INTS4: variants seen among roughly 807,000 people sequenced by gnomAD.
The protein encoded by INTS4 is integrator complex subunit 4, also known as MSTP093.
In INTS4, 70 loss-of-function variants were observed where a neutral mutation model predicts 119.5. The ratio of observed to expected loss-of-function variants is 0.59; its 90% CI spans 0.48 to 0.71. The LOEUF is 0.71. INTS4 is among the 30% of genes least tolerant of loss of function. The probability of loss-of-function intolerance (pLI) is 0.00; values close to 1 mark genes in which losing one functional copy is unlikely to be tolerated. For synonymous variants in INTS4, 316 were observed against 419.6 expected, an observed-to-expected ratio of 0.75 and a Z score of 3.02; for missense variants, 867 against 1,173.2, an observed-to-expected ratio of 0.74 and a Z score of 3.81.
chr11:77,937,938 C>A (rs2136519778), intron 10 of INTS4, among the ~76,000 whole-genome samples: 1 of 152,156 alleles, frequency 6.6e-6, no homozygotes, highest in South Asian at 2.1e-4. Context: ...ACCTCTGCCT[C>A]CTGAGTTCAA....
chr11:77,922,515 T>A (rs1470422603), intron 12 of INTS4, 44 bp from the exon 13 acceptor site: 12 of 849,544 alleles, frequency 1.4e-5, no homozygotes, highest in Non-Finnish European at 2.0e-5. Context: ...ATTAGTAAAG[T>A]TAGTCCTTTG....
At chr11:77,894,214 T>A in intron 19 of INTS4, 76 bp downstream of exon 19, 1 of 731,598 alleles carries the variant, frequency 1.4e-6, no homozygotes, top group Non-Finnish European at 2.4e-6. Flanking sequence ...TGATTTGTGA[T>A]TGTTCCTATT....
rs750797237 is a variant in INTS4 at position 77,961,012 on chromosome 11, T to C, written c.598A>G (p.Ile200Val). 7 of 1,613,896 alleles carry C rather than the reference T, an allele frequency of 4.3e-6. No homozygotes were observed. Among genetic ancestry groups the C allele is most frequent in the Non-Finnish European group, 5.9e-6 (7 of 1,179,966 alleles). ...TCTTGGTCACTGAAGTAATCCCCTA[T>C]AATCTTCTGGACATCTCTGGCAGCT... ...GLAARDVQKI[I>V]GDYFSDQDPR... The change falls in exon 5 of 23, where the codon ATA (isoleucine) becomes GTA (valine). Residue 200 changes from isoleucine (I) to valine (V), a missense_variant. Physicochemically the swap from Ile to Val is conservative, Grantham distance 29 (BLOSUM62 3). This residue lies in a region of INTS4 where 224 missense variants were observed against 231.8 expected (regional missense o/e 0.97). Coordinates refer to ENST00000534064, the MANE Select transcript of INTS4 (RefSeq NM_033547.4).
chr11:77,958,235 T>C (rs1222590599), intron 7 of INTS4, among the ~76,000 whole-genome samples: 3 of 151,014 alleles, frequency 2.0e-5, no homozygotes, highest in African/African-American at 4.8e-5. Context: ...AAAAGATAAA[T>C]AAACATTTAT....
chr11:77,936,023 A>C (rs1220657575), intron 10 of INTS4, among the ~76,000 whole-genome samples: 2 of 152,006 alleles, frequency 1.3e-5, no homozygotes, highest in Non-Finnish European at 2.9e-5. Context: ...AACAAAGTAT[A>C]AGACCTGAAA....
At chr11:77,877,496 G>A (rs896770366), downstream of INTS4, among the ~76,000 whole-genome samples, 5 of 152,116 alleles carry the variant, frequency 3.3e-5, no homozygotes, top group South Asian at 2.1e-4. Context: ...AATTATCTTC[G>A]TTTCACAGAT....
intron 18 of INTS4, among the ~76,000 whole-genome samples, chr11:77,896,755 A>T (rs538111656): frequency 1.2e-4 from 18 of 151,976 alleles, no homozygotes; most frequent in Non-Finnish European, 2.2e-4. Flanking sequence ...CAGAAAATCC[A>T]ACATTTAGTA....
In INTS4 at chr11:77,979,086, T is replaced by C. The variant is rs1347541089; in HGVS notation, c.381A>G (p.Leu127=). Residue 127 remains leucine (L), a synonymous_variant, in exon 4 of 23, where the codon CTA becomes CTG. Transcript: ENST00000534064. ...ILQNEKSHQV[L]AQLLDTLLAI... The stretch of plus-strand genomic sequence containing the variant: ...CAAGCAAAGTATCCAGCAGTTGAGC[T>C]AGGACTTGATGAGACTCTAGAGAGG... 2.5e-6 allele frequency: 4 copies of C among 1,609,346 alleles called. No homozygotes were observed. The highest frequency in any genetic ancestry group is 3.4e-6 in the Non-Finnish European group (4 of 1,175,952).
chr11:77,911,187 T>A, intron 15 of INTS4: 1 of 1,156,308 alleles, frequency 8.6e-7, no homozygotes, highest in Non-Finnish European at 1.1e-6. Context: ...ACTCTCAAAG[T>A]GATTGAAGAA....
Position 77,994,666 on chromosome 11 carries a change from C to G in INTS4, c.-23G>C. 2 of 1,613,650 alleles carry G rather than the reference C, an allele frequency of 1.2e-6. No homozygotes were observed. The highest frequency in any genetic ancestry group is 1.7e-6 in the Non-Finnish European group (2 of 1,179,810). On this transcript the variant is annotated 5_prime_UTR_variant, in exon 1 of 23. Coordinates refer to ENST00000534064, the MANE Select transcript of INTS4 (RefSeq NM_033547.4). ...CATGCCTACCCGCGGGCCCTCTCAG[C>G]TTCCGTACACTAGGAGGGAGGCGGG...
At chr11:77,947,013 T>C (rs1398180645) in intron 8 of INTS4, among the ~76,000 whole-genome samples, 1 of 147,922 alleles carries the variant, frequency 6.8e-6, no homozygotes, top group Non-Finnish European at 1.5e-5. Context: ...AAAATAAAAA[T>C]AGTATACAAT....
intron 4 of INTS4, among the ~76,000 whole-genome samples, chr11:77,967,035 G>T (rs1380999241): frequency 6.6e-5 from 10 of 151,904 alleles, no homozygotes. Context: ...TATCCTAATG[G>T]GTATGAAGTG....
chr11:77,955,217 G>A lies in INTS4; in HGVS notation c.918+725C>T, dbSNP rs12292488. On this transcript the variant is annotated intron_variant, in intron 8 of 22. Coordinates refer to ENST00000534064, the MANE Select transcript of INTS4 (RefSeq NM_033547.4). ...CTAGGCAGGGTGGCACATGCCTGTAGTCCCAGCTACTCAGGAGGCTGAGGT... is the reference window on the plus strand; with the variant it reads ...CTAGGCAGGGTGGCACATGCCTGTAATCCCAGCTACTCAGGAGGCTGAGGT... 1.8e-3 allele frequency among the ~76,000 whole-genome samples: 281 copies of A among 152,274 alleles called. 1 individual carries two copies. Among genetic ancestry groups the A allele is most frequent in the African/African-American group, 6.7e-3 (278 of 41,560 alleles).
At chr11:77,937,099 C>A (rs558480612) in intron 10 of INTS4, among the ~76,000 whole-genome samples, 6 of 151,766 alleles carry the variant, frequency 4.0e-5, no homozygotes, top group Non-Finnish European at 7.4e-5. Context: ...TGTCTGAACT[C>A]AGGATGCAGA....
At chr11:77,947,110 G>GA (rs1163583874) in intron 8 of INTS4, among the ~76,000 whole-genome samples, 4,293 of 138,502 alleles carry the variant, frequency 0.031, 89 homozygotes, top group Non-Finnish European at 0.044. Context: ...CCATTAAGAG[G>GA]AAAAAAAAAA....
At chr11:77,981,675 C>G (rs1352678026) in intron 2 of INTS4, 99 bp from the exon 3 acceptor site, 1 of 509,732 alleles carries the variant, frequency 2.0e-6, no homozygotes, top group Non-Finnish European at 3.5e-6. Context: ...ATTCAATGAT[C>G]CAAGTATTCT....
chr11:77,874,477 G>C (rs1590983614), downstream of INTS4, among the ~76,000 whole-genome samples: 1 of 151,378 alleles, frequency 6.6e-6, no homozygotes, highest in Admixed American at 6.6e-5. Flanking sequence ...TCCAATTAAA[G>C]AGAACTTAGT....
intron 21 of INTS4, among the ~76,000 whole-genome samples, chr11:77,888,541 A>G (rs1261930330): frequency 6.6e-6 from 1 of 152,248 alleles, no homozygotes; most frequent in Non-Finnish European, 1.5e-5. Flanking sequence ...AAAACAGCAA[A>G]AGCAATGGCA....
intron 15 of INTS4, among the ~76,000 whole-genome samples, chr11:77,917,256 G>C (rs1006555699): frequency 6.6e-6 from 1 of 151,774 alleles, no homozygotes; most frequent in East Asian, 1.9e-4. Flanking sequence ...ATACTCTTCC[G>C]GGCAGATCAA....
Sources: gnomAD v4.1 joint callset for allele counts (sites outside exome capture counted in the v4.1 genomes callset) on GRCh38, gnomAD v4.1.1 for gene constraint, gnomAD v4.1.1 regional missense constraint, MANE v1.5 for transcripts, NCBI Gene and HGNC (gene_info 2026-07-23, HGNC 2026-07-21) for gene names.